CDH18: variants seen among roughly 807,000 people sequenced by gnomAD.
The protein encoded by CDH18 is cadherin-18.
A neutral mutation model predicts 67.9 loss-of-function variants in CDH18; 31 were observed. The observed-to-expected ratio is 0.46, with a 90% CI of 0.34 to 0.62. The LOEUF is 0.62. Among genes scored for constraint, CDH18 ranks in the 20% least tolerant of loss-of-function variants. The pLI, the probability that CDH18 is intolerant of heterozygous loss-of-function variation, is 0.01. For synonymous variants in CDH18, 362 were observed against 347.2 expected, an observed-to-expected ratio of 1.04 and a Z score of -0.48; for missense variants, 890 against 975.5, an observed-to-expected ratio of 0.91 and a Z score of 1.17.
chr5:19,906,987 A>G (rs1457461186), intron 2 of CDH18, among the ~76,000 whole-genome samples: 1 of 152,026 alleles, frequency 6.6e-6, no homozygotes, highest in Non-Finnish European at 1.5e-5. Context: ...ATAACTTTCA[A>G]ATGATAAATA....
At chr5:19,978,253 C>A (rs936214909) in intron 2 of CDH18, among the ~76,000 whole-genome samples, 2 of 151,976 alleles carry the variant, frequency 1.3e-5, no homozygotes, top group African/African-American at 4.8e-5. Flanking sequence ...AAATTATTTT[C>A]TTTCATTAGG....
chr5:19,994,736 TATAGAGAGAGAGAGAGAGAGAG>T lies in CDH18; in HGVS notation c.-517-2744_-517-2723del, dbSNP rs1393359432. On this transcript the variant is annotated intron_variant, in intron 2 of 14. Coordinates refer to the CDH18 transcript ENST00000507958. ...ATATATATATATATATATATATATATATAGAGAGAGAGAGAGAGAGAGAGAGAGAGAGAGAGAGAGAGAGAGA... is the reference window on the plus strand; with the variant it reads ...ATATATATATATATATATATATATATAGAGAGAGAGAGAGAGAGAGAGAGA... Among the ~76,000 whole-genome samples, 41 of 8,950 alleles carry T rather than the reference TATAGAGAGAGAGAGAGAGAGAG, an allele frequency of 4.6e-3. 2 individuals carry two copies. Among genetic ancestry groups the T allele is most frequent in the African/African-American group, 9.7e-3 (20 of 2,054 alleles). The allele number at this position is 8,950 out of a possible 152,430, so 5.9% of individuals were successfully genotyped here. A position where few individuals can be genotyped will look rare whatever the true frequency, so the allele number is the denominator to read the frequency against.
At chr5:20,468,438 T>C (rs936806295) in intron 1 of CDH18, among the ~76,000 whole-genome samples, 1 of 152,198 alleles carries the variant, frequency 6.6e-6, no homozygotes, top group African/African-American at 2.4e-5. Context: ...TTAGAATGAT[T>C]TCCCTAAGTA....
At chr5:20,304,601 A>G in intron 1 of CDH18, 3 of 1,612,010 alleles carry the variant, frequency 1.9e-6, no homozygotes, top group Non-Finnish European at 2.5e-6. Context: ...GAGCTTAATG[A>G]GCCCAAAACA....
intron 2 of CDH18, among the ~76,000 whole-genome samples, chr5:19,870,053 T>A (rs1490568283): frequency 6.6e-6 from 1 of 152,146 alleles, no homozygotes; most frequent in Non-Finnish European, 1.5e-5. Context: ...TGCCATTTTA[T>A]AAACCAAATG....
chr5:19,907,939 G>A (rs999070330), intron 2 of CDH18, among the ~76,000 whole-genome samples: 8 of 151,882 alleles, frequency 5.3e-5, no homozygotes, highest in South Asian at 4.1e-4. Context: ...TAGCAACCTG[G>A]TATATATACT....
At chr5:20,434,166 T>C (rs1321443708) in intron 1 of CDH18, among the ~76,000 whole-genome samples, 1 of 152,094 alleles carries the variant, frequency 6.6e-6, no homozygotes, top group African/African-American at 2.4e-5. Context: ...CTACATCTGA[T>C]ATTGTTACAA....
chr5:20,231,718 CTA>C (rs1742094040), intron 2 of CDH18, among the ~76,000 whole-genome samples: 1 of 152,022 alleles, frequency 6.6e-6, no homozygotes, highest in Non-Finnish European at 1.5e-5. Flanking sequence ...ATTGTGTAAA[CTA>C]AAAATATTGC....
At chr5:20,516,639 A>G (rs964719826) in intron 1 of CDH18, among the ~76,000 whole-genome samples, 12 of 151,944 alleles carry the variant, frequency 7.9e-5, no homozygotes, top group Non-Finnish European at 1.8e-4. Flanking sequence ...AGAATCAAGC[A>G]TAGGTTATGT....
At chr5:19,979,631 G>T (rs1204294067) in intron 2 of CDH18, among the ~76,000 whole-genome samples, 1 of 152,094 alleles carries the variant, frequency 6.6e-6, no homozygotes, top group Non-Finnish European at 1.5e-5. Context: ...CTGCTACCTA[G>T]TCAGGTCTGA....
intron 1 of CDH18, among the ~76,000 whole-genome samples, chr5:20,406,916 T>C (rs929193075): frequency 6.6e-5 from 10 of 152,202 alleles, no homozygotes; most frequent in African/African-American, 1.9e-4. Flanking sequence ...AATATCTCAG[T>C]ATAATCCTAT....
chr5:20,267,067 CAATA>C (rs1197698985), intron 1 of CDH18, among the ~76,000 whole-genome samples: 1 of 152,040 alleles, frequency 6.6e-6, no homozygotes, highest in African/African-American at 2.4e-5. Context: ...GTCATACAGA[CAATA>C]AATAAGGCAG....
intron 2 of CDH18, among the ~76,000 whole-genome samples, chr5:19,975,196 C>G (rs1488362669): frequency 6.6e-6 from 1 of 152,012 alleles, no homozygotes; most frequent in Non-Finnish European, 1.5e-5. Flanking sequence ...ATACATTTTA[C>G]TTAAATAATT....
chr5:20,017,718 G>A (rs1737997969), intron 2 of CDH18, among the ~76,000 whole-genome samples: 1 of 152,164 alleles, frequency 6.6e-6, no homozygotes, highest in South Asian at 2.1e-4. Flanking sequence ...TAGCCTTGAA[G>A]CCAGAAAGGG....
At chr5:19,732,226 A>G (rs1767696153) in intron 4 of CDH18, among the ~76,000 whole-genome samples, 3 of 152,086 alleles carry the variant, frequency 2.0e-5, no homozygotes, top group African/African-American at 4.8e-5. Context: ...CAGGAGTTTG[A>G]GCCCAGATAT....
intron 11 of CDH18, among the ~76,000 whole-genome samples, chr5:19,493,990 C>A (rs952184682): frequency 2.6e-5 from 4 of 151,972 alleles, no homozygotes; most frequent in Non-Finnish European, 5.9e-5. Flanking sequence ...GAAAAGGATT[C>A]TTTTATTGTA....
At chr5:20,514,316 A>G (rs1034313498) in intron 1 of CDH18, among the ~76,000 whole-genome samples, 3 of 152,122 alleles carry the variant, frequency 2.0e-5, no homozygotes, top group African/African-American at 7.2e-5. Flanking sequence ...GTGTGTACAG[A>G]TTACATGGCA....
intron 10 of CDH18, among the ~76,000 whole-genome samples, chr5:19,518,907 C>T (rs2126887936): frequency 6.6e-6 from 1 of 152,266 alleles, no homozygotes; most frequent in African/African-American, 2.4e-5. Context: ...CTGACTAATA[C>T]ATTATGCCAA....
chr5:19,706,751 A>T (rs1028724261), intron 5 of CDH18, among the ~76,000 whole-genome samples: 2 of 152,208 alleles, frequency 1.3e-5, no homozygotes, highest in Admixed American at 1.3e-4. Flanking sequence ...GGAATATTAA[A>T]CACATTACTG....
Sources: gnomAD v4.1 joint callset for allele counts (sites outside exome capture counted in the v4.1 genomes callset) on GRCh38, gnomAD v4.1.1 for gene constraint, MANE v1.5 for transcripts, NCBI Gene and HGNC (gene_info 2026-07-23, HGNC 2026-07-21) for gene names.